Variants in NLRP4 observed in about 807,000 individuals in gnomAD.
NLRP4 encodes the protein NACHT, LRR and PYD domains-containing protein 4.
In NLRP4, 44 loss-of-function variants were observed where a neutral mutation model predicts 84.7. That is an observed-to-expected ratio of 0.52 (90% CI 0.41 to 0.67). The LOEUF is 0.67. Among genes scored for constraint, NLRP4 ranks in the 30% least tolerant of loss-of-function variants. NLRP4 has a pLI of 0.00. For missense variants in NLRP4, 1,260 were observed against 1,219.4 expected, an observed-to-expected ratio of 1.03 and a Z score of -0.50; for synonymous variants, 544 against 476.4, an observed-to-expected ratio of 1.14 and a Z score of -1.85.
chr19:55,877,355 G>A (rs1329027616), intron 8 of NLRP4, among the ~76,000 whole-genome samples, 189 bp downstream of exon 8: 1 of 152,168 alleles, frequency 6.6e-6, no homozygotes, highest in Non-Finnish European at 1.5e-5. Flanking sequence ...CTGCTTGTCT[G>A]GGCAGGCGTC....
At chr19:55,861,340 G>C (rs191294521) in intron 3 of NLRP4, 46 bp from the exon 4 acceptor site, 1 of 1,580,920 alleles carries the variant, frequency 6.3e-7, no homozygotes. Context: ...CAAGTGGCTC[G>C]TGTTGACCGC....
Position 55,852,247 on chromosome 19 carries a change from C to T in NLRP4, c.167C>T (p.Ala56Val), listed in dbSNP as rs764000355. The T allele has an allele frequency of 6.2e-7, 1 of 1,609,256 alleles. No homozygotes were observed. The highest frequency in any genetic ancestry group is 1.7e-4 in the Middle Eastern group (1 of 6,044). ...AAAAAAGCATCCCGGGAAGAACTTGCAAACCTCTTGATCAAGCACTATGAA... is the reference window on the plus strand; with the variant it reads ...AAAAAAGCATCCCGGGAAGAACTTGTAAACCTCTTGATCAAGCACTATGAA... ...EVKKASREEL[A>V]NLLIKHYEEQ... Residue 56 changes from alanine to valine, a missense_variant, in exon 2 of 10, where the codon GCA becomes GTA. Transcript: ENST00000301295.
Position 55,852,149 on chromosome 19 carries a change from C to A in NLRP4, c.69C>A (p.Phe23Leu). 2 of 1,607,544 alleles carry A rather than the reference C, an allele frequency of 1.2e-6. No homozygotes were observed. The highest frequency in any genetic ancestry group is 1.3e-5 in the African/African-American group (1 of 74,550). Reference sequence around the variant, plus strand: ...TGGAGGAGCTCAAAAAGGAGGAGTTCAGGAAATTTAAAGAACATCTCAAGC... The same window carrying A: ...TGGAGGAGCTCAAAAAGGAGGAGTTAAGGAAATTTAAAGAACATCTCAAGC... ...WYLEELKKEEFRKFKEHLKQM... is the reference protein window; with the variant it reads ...WYLEELKKEELRKFKEHLKQM... The change falls in exon 2 of 10, where the codon TTC becomes TTA. Residue 23 changes from phenylalanine (F) to leucine (L), a missense_variant. Coordinates refer to ENST00000301295, the MANE Select transcript of NLRP4 (RefSeq NM_134444.5).
At chr19:55,850,687 G>T (rs1335004827) in intron 1 of NLRP4, among the ~76,000 whole-genome samples, 32 of 94,200 alleles carry the variant, frequency 3.4e-4, no homozygotes, top group East Asian at 2.0e-3. Flanking sequence ...GCGGTGTAAT[G>T]TCCGTGGCTG....
intron 3 of NLRP4, 25 bp downstream of exon 3, chr19:55,859,274 T>C: frequency 6.4e-7 from 1 of 1,555,522 alleles, no homozygotes; most frequent in Non-Finnish European, 8.7e-7. Flanking sequence ...TGACTTTTTC[T>C]CTCTTCTCAG....
In NLRP4 at chr19:55,862,122, G is replaced by A. The variant is rs144086108; in HGVS notation, c.2149G>A (p.Ala717Thr). ...TGATGACATCAGGTCCCTCTGTGATGCCTTGAACTACCCAGCAGGCAACGT... is the reference window on the plus strand; with the variant it reads ...TGATGACATCAGGTCCCTCTGTGATACCTTGAACTACCCAGCAGGCAACGT... ...SRDDIRSLCD[A>T]LNYPAGNVKE... The change falls in exon 5 of 10, where the codon GCC becomes ACC. Residue 717 changes from alanine (A) to threonine (T), a missense_variant. Coordinates refer to ENST00000301295, the MANE Select transcript of NLRP4 (RefSeq NM_134444.5). 10 of 1,613,866 alleles carry A rather than the reference G, an allele frequency of 6.2e-6. No individual in the cohort carries two copies. The highest frequency in any genetic ancestry group is 8.5e-6 in the Non-Finnish European group (10 of 1,179,866).
intron 3 of NLRP4, among the ~76,000 whole-genome samples, chr19:55,859,926 C>CAAAAAAAAAAAAA (rs1166037425): frequency 5.7e-5 from 1 of 17,496 alleles, no homozygotes; most frequent in African/African-American, 2.2e-4. Context: ...CTCTCATCTC[C>CAAAAAAAAAAAAA]AAAAAAAAAA....
intron 6 of NLRP4, among the ~76,000 whole-genome samples, chr19:55,868,674 G>C (rs539656698): frequency 8.0e-4 from 121 of 152,010 alleles, no homozygotes; most frequent in Non-Finnish European, 1.5e-3. Flanking sequence ...GGCTAATTTT[G>C]TATTTTTAGT....
At chr19:55,837,637 C>G (rs1028513522) in intron 1 of NLRP4, among the ~76,000 whole-genome samples, 2 of 152,068 alleles carry the variant, frequency 1.3e-5, no homozygotes, top group Non-Finnish European at 2.9e-5. Context: ...GTCCTAACCC[C>G]TTTATAGGGT....
intron 6 of NLRP4, among the ~76,000 whole-genome samples, chr19:55,870,098 CAA>C (rs539136027): frequency 1.5e-5 from 2 of 134,888 alleles, no homozygotes; most frequent in Admixed American, 7.5e-5. Context: ...ACCCTGTCTC[CAA>C]AAAAAAAAAA....
intron 1 of NLRP4, among the ~76,000 whole-genome samples, chr19:55,849,361 GT>G (rs1983927507): frequency 1.3e-5 from 2 of 152,152 alleles, no homozygotes; most frequent in African/African-American, 4.8e-5. Context: ...TAACAGTACC[GT>G]AGACTAAGAC....
At chr19:55,849,849 C>T (rs1047576894) in intron 1 of NLRP4, among the ~76,000 whole-genome samples, 6 of 146,680 alleles carry the variant, frequency 4.1e-5, no homozygotes, top group Non-Finnish European at 7.4e-5. Context: ...GTGTAATTTC[C>T]GAGACTGCGG....
At chr19:55,851,671 C>A (rs1470339634) in intron 1 of NLRP4, among the ~76,000 whole-genome samples, 4 of 148,358 alleles carry the variant, frequency 2.7e-5, no homozygotes, top group South Asian at 2.2e-4. Flanking sequence ...GTGTAATGTC[C>A]GAGGCTGCGG....
chr19:55,850,082 GTAATTTCC>G, intron 1 of NLRP4, among the ~76,000 whole-genome samples: 1 of 147,066 alleles, frequency 6.8e-6, no homozygotes. Context: ...AGACTGCGGT[GTAATTTCC>G]GTGGCTGCGG....
chr19:55,880,131 T>G (rs1985531378), intron 9 of NLRP4, among the ~76,000 whole-genome samples: 1 of 151,916 alleles, frequency 6.6e-6, no homozygotes, highest in Non-Finnish European at 1.5e-5. Context: ...ATATAATGGG[T>G]TAAAACTGTT....
In NLRP4 at chr19:55,858,908, C is replaced by A. The variant is rs767559681; in HGVS notation, c.1515C>A (p.Gly505=). The part of the protein sequence containing the change: ...HWIFLGCFLT[G]LLNKKEQEKL... ...TTTTTTTGGGGTGTTTTCTAACTGG[C>A]CTTTTAAATAAAAAGGAACAAGAAA... is the stretch of plus-strand genomic sequence containing the variant. Residue 505 remains glycine (G), a synonymous_variant, in exon 3 of 10, where the codon GGC becomes GGA. Transcript: ENST00000301295. This position sits in a 1 kb window ranked among gnomAD's most constrained non-coding sequence, Gnocchi z 4.2. 2 of 1,613,914 alleles carry A rather than the reference C, an allele frequency of 1.2e-6. No individual in the cohort carries two copies. The highest frequency in any genetic ancestry group is 2.7e-5 in the African/African-American group (2 of 74,892).
intron 5 of NLRP4, among the ~76,000 whole-genome samples, chr19:55,864,714 A>ATT (rs35649746): frequency 6.6e-6 from 1 of 151,902 alleles, no homozygotes; most frequent in Admixed American, 6.6e-5. Flanking sequence ...ATCTTTGCTT[A>ATT]TTTTTTACTT....
rs887228612 is a variant in NLRP4 at position 55,849,629 on chromosome 19, G to C, written c.-65-2387G>C. Among the ~76,000 whole-genome samples the C allele has an allele frequency of 3.5e-4, 54 of 152,238 alleles. 1 individual carries two copies. The highest frequency in any genetic ancestry group is 1.5e-4 in the Non-Finnish European group (10 of 68,048). On this transcript the variant is annotated intron_variant, in intron 1 of 9. Coordinates refer to ENST00000301295, the MANE Select transcript of NLRP4 (RefSeq NM_134444.5). ...TTGTTCCAGCACCATTTATGGAAGAGACGATCTGCCTCCATTGTGCCTTTG... is the reference window on the plus strand; with the variant it reads ...TTGTTCCAGCACCATTTATGGAAGACACGATCTGCCTCCATTGTGCCTTTG...
chr19:55,861,934 T>C (rs1344828663), intron 4 of NLRP4, 58 bp from the exon 5 acceptor site: 1 of 1,099,006 alleles, frequency 9.1e-7, no homozygotes, highest in Non-Finnish European at 1.4e-6. Flanking sequence ...CAAACACAGG[T>C]GTGCAGGCTG....
Sources: allele counts gnomAD v4.1 joint callset (sites outside exome capture counted in the v4.1 genomes callset), GRCh38; gene constraint gnomAD v4.1.1; non-coding constraint Gnocchi (gnomAD v3.1); transcripts MANE v1.5; gene names NCBI Gene and HGNC (gene_info 2026-07-23, HGNC 2026-07-21).